The following CFAP74 variants were observed in gnomAD, a reference collection of about 807,000 sequenced individuals.
CFAP74 encodes the protein cilia- and flagella-associated protein 74.
CFAP74 carries 124 observed loss-of-function variants against 188.9 expected under a neutral mutation model. The ratio of observed to expected loss-of-function variants is 0.66; its 90% confidence interval spans 0.57 to 0.76. The LOEUF is 0.76. CFAP74 is among the 30% of genes least tolerant of loss of function. The pLI is 0.00. For missense variants in CFAP74, 2,198 were observed against 2,165.2 expected, an observed-to-expected ratio of 1.02 and a Z score of -0.30; for synonymous variants, 956 against 916.7, an observed-to-expected ratio of 1.04 and a Z score of -0.77.
At position 1,974,037 on chromosome 1, in the gene CFAP74, A is replaced by G. The variant is rs756378965; in HGVS notation, c.662T>C (p.Leu221Pro). Residue 221 changes from leucine to proline, a missense_variant, in exon 7 of 39, where the codon CTG becomes CCG. Coordinates refer to ENST00000682832, the MANE Select transcript of CFAP74 (RefSeq NM_001304360.2). ...GGGTGTCGCCTACCTGATCCTCAGC[A>G]GTCGGTTCCGCTCCACCTTCCCCAG... ...EALGKVERNR[L>P]LRIRKSLNTQ... is the part of the protein sequence containing the mutation. 7.5e-5 allele frequency: 119 copies of G among 1,580,444 alleles called. No individual in the cohort carries two copies. The highest frequency in any genetic ancestry group is 9.6e-5 in the Non-Finnish European group (111 of 1,159,118).
At chr1:1,969,171 T>TCCTGCCCAGC (rs1318171314) in intron 10 of CFAP74, among the ~76,000 whole-genome samples, 1 of 125,836 alleles carries the variant, frequency 7.9e-6, no homozygotes, top group South Asian at 2.6e-4. Flanking sequence ...TCCTGCTCAG[T>TCCTGCCCAGC]CCTGCCCAGC....
chr1:1,993,824 T>C (rs910289033), intron 1 of CFAP74, among the ~76,000 whole-genome samples: 3 of 132,558 alleles, frequency 2.3e-5, no homozygotes, highest in African/African-American at 5.7e-5. Context: ...CTACTAAAAA[T>C]ACAAAAAATT....
At chr1:1,988,153 C>G (rs551689259) in intron 4 of CFAP74, 8 of 490,410 alleles carry the variant, frequency 1.6e-5, no homozygotes, top group Non-Finnish European at 3.3e-5. Context: ...TTAGGAGTGA[C>G]GTATCATGTC....
chr1:1,966,897 C>T (rs923675765), intron 11 of CFAP74, among the ~76,000 whole-genome samples: 7 of 149,892 alleles, frequency 4.7e-5, no homozygotes, highest in Non-Finnish European at 7.4e-5. Flanking sequence ...AGTGTAGCAG[C>T]GCGATCTCAG....
intron 5 of CFAP74, 22 bp downstream of exon 5, chr1:1,986,915 C>T (rs772181092): frequency 1.9e-6 from 3 of 1,590,034 alleles, no homozygotes; most frequent in South Asian, 1.1e-5. Context: ...CGGTTCCCTG[C>T]CCCCTGGCGA....
intron 25 of CFAP74, among the ~76,000 whole-genome samples, chr1:1,932,891 CTTTT>C (rs1386467993): frequency 7.4e-6 from 1 of 134,710 alleles, no homozygotes; most frequent in African/African-American, 2.8e-5. Flanking sequence ...TGTGCCCGAC[CTTTT>C]TTTTTTTTGA....
At chr1:1,987,936 T>C (rs1380253890) in intron 4 of CFAP74, 2 of 345,366 alleles carry the variant, frequency 5.8e-6, no homozygotes, top group East Asian at 8.0e-5. Flanking sequence ...GCCCGAGTTA[T>C]GGGCAAGAAG....
Position 1,923,902 on chromosome 1 carries a change from A to G in CFAP74, c.4262T>C (p.Val1421Ala). Reference protein sequence around the residue: ...VGTQNLNGQSVFSVAPVKGVM... With the variant: ...VGTQNLNGQSAFSVAPVKGVM... Reference sequence around the variant, plus strand: ...GCCCTTGACGGGGGCCACGCTGAACACGCTCTGACCGTTGAGATTCTGCGT... The same window carrying G: ...GCCCTTGACGGGGGCCACGCTGAACGCGCTCTGACCGTTGAGATTCTGCGT... The change falls in exon 35 of 39, where the codon GTG (valine) becomes GCG (alanine). Residue 1421 changes from valine to alanine, a missense_variant. By Grantham distance (64) the Val-to-Ala change is moderately conservative (BLOSUM62 0). Coordinates refer to ENST00000682832, the MANE Select transcript of CFAP74 (RefSeq NM_001304360.2). This position sits in a 1 kb window ranked among gnomAD's most constrained non-coding sequence, Gnocchi z 6.3. 1.9e-6 allele frequency: 3 copies of G among 1,612,474 alleles called. No individual in the cohort carries two copies. Among genetic ancestry groups the G allele is most frequent in the Non-Finnish European group, 2.5e-6 (3 of 1,179,482 alleles).
chr1:1,968,617 G>A lies in CFAP74; in HGVS notation c.1245+18C>T. 1 of 1,608,776 alleles carries A rather than the reference G, an allele frequency of 6.2e-7. No individual in the cohort carries two copies. Among genetic ancestry groups the A allele is most frequent in the East Asian group, 2.2e-5 (1 of 44,814 alleles). The stretch of plus-strand genomic sequence containing the variant: ...CACAGGTGTGCGGCTTCTGTCTACA[G>A]GAAGGCGTTTTGCTCACCAGTGTGT... On this transcript the variant is annotated intron_variant, in intron 11 of 38. Coordinates refer to ENST00000682832, the MANE Select transcript of CFAP74 (RefSeq NM_001304360.2). This position sits in a 1 kb window ranked among gnomAD's most constrained non-coding sequence, Gnocchi z 4.3.
chr1:1,955,180 T>G (rs1654498578), intron 18 of CFAP74: 2 of 1,285,498 alleles, frequency 1.6e-6, no homozygotes, highest in African/African-American at 1.5e-5. Flanking sequence ...GGACGGAGGT[T>G]TCTGGATCTC....
rs140651258 is a variant in CFAP74 at position 1,922,021 on chromosome 1, G to T, written c.*266C>A. On this transcript the variant is annotated 3_prime_UTR_variant, in exon 39 of 39. Coordinates refer to ENST00000682832, the MANE Select transcript of CFAP74 (RefSeq NM_001304360.2). ...CTCTCCTGGGGGCTGGGGGCTCTGAGGGGGTCTGGCTAGGATGGCTGAGGG... is the reference window on the plus strand; with the variant it reads ...CTCTCCTGGGGGCTGGGGGCTCTGATGGGGTCTGGCTAGGATGGCTGAGGG... The T allele has an allele frequency of 6.0e-4, 285 of 478,944 alleles. 1 individual carries two copies. The highest frequency in any genetic ancestry group is 5.2e-3 in the African/African-American group (258 of 49,574). The allele number at this position is 478,944 out of a possible 1,614,324, so 29.7% of individuals were successfully genotyped here. A position where few individuals can be genotyped will look rare whatever the true frequency, so the allele number is the denominator to read the frequency against.
Position 1,946,411 on chromosome 1 carries a change from C to A in CFAP74, c.2270G>T (p.Ser757Ile). The A allele has an allele frequency of 1.3e-6, 2 of 1,536,882 alleles. No homozygotes were observed. The highest frequency in any genetic ancestry group is 8.7e-7 in the Non-Finnish European group (1 of 1,146,706). Residue 757 changes from serine to isoleucine, a missense_variant, in exon 20 of 39, where the codon AGC (serine) becomes ATC (isoleucine). By Grantham distance (142) the Ser-to-Ile change is moderately radical. Transcript: ENST00000682832. ...GAAGACGATGGGCACCTTGATGGAG[C>A]TGAAGGGGCCAATTTCCCCTTCTGT... ...EVTEGEIGPFSSIKVPIVFTP... is the reference protein window; with the variant it reads ...EVTEGEIGPFISIKVPIVFTP...
At chr1:1,955,008 T>G in intron 18 of CFAP74, 2 of 1,120,500 alleles carry the variant, frequency 1.8e-6, no homozygotes, top group Non-Finnish European at 2.2e-6. Context: ...CGCCACGCAG[T>G]GGTGAGGACA....
chr1:1,996,231 C>T (rs1056833788), intron 1 of CFAP74, among the ~76,000 whole-genome samples: 11 of 152,114 alleles, frequency 7.2e-5, no homozygotes, highest in Non-Finnish European at 1.0e-4. Flanking sequence ...GTAATCCGCC[C>T]GCCTCAGCCT....
chr1:1,987,899 T>C, intron 4 of CFAP74: 2 of 333,984 alleles, frequency 6.0e-6, no homozygotes, highest in South Asian at 4.6e-5. Context: ...AATCGTAGTT[T>C]CCCCGGGTGA....
chr1:1,938,809 G>A (rs1355127615), intron 25 of CFAP74, 46 bp downstream of exon 25: 10 of 1,525,444 alleles, frequency 6.6e-6, no homozygotes, highest in Non-Finnish European at 7.9e-6. Flanking sequence ...CCCCTCCTGA[G>A]CGGGCACTCC....
chr1:1,945,740 A>G (rs956984463), intron 20 of CFAP74, among the ~76,000 whole-genome samples: 25 of 151,728 alleles, frequency 1.6e-4, no homozygotes, highest in African/African-American at 5.8e-4. Flanking sequence ...AGGCAGGAGG[A>G]TCACTTGAGC....
chr1:1,952,274 C>A (rs1422692964), intron 18 of CFAP74, among the ~76,000 whole-genome samples: 1 of 150,984 alleles, frequency 6.6e-6, no homozygotes. Context: ...AGTTCTGAGG[C>A]CAATTTAAAG....
At position 1,965,039 on chromosome 1, in the gene CFAP74, C is replaced by G; in HGVS notation, c.1424G>C (p.Arg475Pro). Reference sequence around the variant, plus strand: ...CATCTTTGTCCCGCCCACGGGCTTTCGGTCCACGTCCTCCTTGGGCACCTG... The same window carrying G: ...CATCTTTGTCCCGCCCACGGGCTTTGGGTCCACGTCCTCCTTGGGCACCTG... ...PYQVPKEDVDRKPVGGTKMDK... is the reference protein window; with the variant it reads ...PYQVPKEDVDPKPVGGTKMDK... The change falls in exon 13 of 39, where the codon CGA becomes CCA. Residue 475 changes from arginine (R) to proline (P), a missense_variant. By Grantham distance (103) the Arg-to-Pro change is moderately radical. Transcript: ENST00000682832. 6.2e-7 allele frequency: 1 copy of G among 1,613,398 alleles called. No homozygotes were observed. Among genetic ancestry groups the G allele is most frequent in the East Asian group, 2.2e-5 (1 of 44,858 alleles).
Sources: gnomAD v4.1 joint callset for allele counts (sites outside exome capture counted in the v4.1 genomes callset) on GRCh38, gnomAD v4.1.1 for gene constraint, Gnocchi (gnomAD v3.1) non-coding constraint, MANE v1.5 for transcripts, NCBI Gene and HGNC (gene_info 2026-07-23, HGNC 2026-07-21) for gene names.